The following PHF20 variants were observed in gnomAD, a reference collection of about 807,000 sequenced individuals.
PHF20 encodes glioma-expressed antigen 2.
In PHF20, 23 loss-of-function variants were observed where a neutral mutation model predicts 113.5. The observed-to-expected ratio is 0.20, with a 90% confidence interval of 0.15 to 0.29. The LOEUF (loss-of-function observed/expected upper bound fraction) is 0.29, where lower values mean the gene tolerates loss of function less well. Ranked by LOEUF, PHF20 falls within the 10% of genes least tolerant of loss-of-function variation. PHF20 has a pLI of 1.00. For synonymous variants in PHF20, 434 were observed against 457.3 expected (o/e 0.95, Z 0.65); for missense variants, 943 against 1,219.6 (o/e 0.77, Z 3.38).
intron 15 of PHF20, among the ~76,000 whole-genome samples, chr20:35,936,044 G>A (rs1357918774): frequency 1.3e-5 from 2 of 152,236 alleles, no homozygotes; most frequent in African/African-American, 4.8e-5. Context: ...GGAAATGGCA[G>A]GGTCATGCTT....
chr20:35,844,416 GGT>G lies in PHF20; in HGVS notation c.255+1673_255+1674del, dbSNP rs1491397125. The stretch of plus-strand genomic sequence containing the variant: ...CGCGCCCAGCCGGTTTTTTTTTTTT[GGT>G]TTTTTTTTTTTTTGATAATGTTGTC... On this transcript the variant is annotated intron_variant, in intron 3 of 17. Transcript: ENST00000374012. 5.4e-4 allele frequency among the ~76,000 whole-genome samples: 40 copies of G among 73,790 alleles called. 2 individuals carry two copies. The highest frequency in any genetic ancestry group is 7.6e-4 in the East Asian group (2 of 2,620). The allele number at this position is 73,790 out of a possible 152,430, so 48.4% of individuals were successfully genotyped here.
chr20:35,925,834 TATC>T (rs2055618283), intron 13 of PHF20, among the ~76,000 whole-genome samples: 1 of 151,974 alleles, frequency 6.6e-6, no homozygotes, highest in South Asian at 2.1e-4. Context: ...TGGAAAAAGT[TATC>T]ATTGGCCAGG....
intron 14 of PHF20, among the ~76,000 whole-genome samples, chr20:35,931,030 G>A (rs995550124): frequency 6.6e-6 from 1 of 152,172 alleles, no homozygotes; most frequent in African/African-American, 2.4e-5. Flanking sequence ...TCCAGGAAAT[G>A]AGGAAGTACA....
Position 35,821,214 on chromosome 20 carries a change from C to G in PHF20, c.83+19609C>G, listed in dbSNP as rs549598393. ...CTGTAATCCCAGCAGTTTGGGAGGC[C>G]GAGGTGGGTGGATCATTTGAGGCCA... On this transcript the variant is annotated intron_variant, in intron 2 of 17. Transcript: ENST00000374012. Among the ~76,000 whole-genome samples the G allele has an allele frequency of 3.0e-3, 451 of 151,742 alleles. 1 individual carries two copies. The highest frequency in any genetic ancestry group is 0.01 in the African/African-American group (421 of 41,396).
intron 14 of PHF20, among the ~76,000 whole-genome samples, chr20:35,929,726 C>T (rs768160461): frequency 6.6e-6 from 1 of 152,240 alleles, no homozygotes; most frequent in Non-Finnish European, 1.5e-5. Flanking sequence ...TGAACTTCTA[C>T]GACTTTAATC....
At position 35,935,529 on chromosome 20, in the gene PHF20, G is replaced by C. The variant is rs1406408779; in HGVS notation, c.2301-3168G>C. 2.0e-5 allele frequency among the ~76,000 whole-genome samples: 3 copies of C among 152,278 alleles called. No individual in the cohort carries two copies. In the East Asian group the frequency reaches 5.8e-4, roughly 29 times the overall value. On this transcript the variant is annotated intron_variant, in intron 15 of 17. Coordinates refer to ENST00000374012, the MANE Select transcript of PHF20 (RefSeq NM_016436.5). ...TTGCAGGCATGTACCACCGCACCTGGCTAGTTTTCATATTTTTAGTAGAGA... is the reference window on the plus strand; with the variant it reads ...TTGCAGGCATGTACCACCGCACCTGCCTAGTTTTCATATTTTTAGTAGAGA...
intron 14 of PHF20, among the ~76,000 whole-genome samples, chr20:35,928,831 G>A (rs1045282153): frequency 2.0e-4 from 31 of 152,286 alleles, no homozygotes; most frequent in Admixed American, 1.9e-3. Context: ...ATGCCCTTGA[G>A]GGGAAGGAGG....
At chr20:35,942,534 G>C (rs923616161) in intron 17 of PHF20, among the ~76,000 whole-genome samples, 5 of 152,126 alleles carry the variant, frequency 3.3e-5, no homozygotes, top group South Asian at 2.1e-4. Flanking sequence ...AGCCAGGTTT[G>C]GCCTCTCTAG....
At chr20:35,772,833 C>A (rs1016136486) in intron 1 of PHF20, among the ~76,000 whole-genome samples, 1 of 152,094 alleles carries the variant, frequency 6.6e-6, no homozygotes, top group Admixed American at 6.6e-5. Context: ...TTCTTGTATC[C>A]CCTCTACTCC....
At chr20:35,859,548 G>GT (rs773152898) in intron 5 of PHF20, among the ~76,000 whole-genome samples, 519 of 141,336 alleles carry the variant, frequency 3.7e-3, no homozygotes, top group Middle Eastern at 7.5e-3. Context: ...TTGGTTTTTG[G>GT]TTTTTTTTTT....
chr20:35,845,195 A>G (rs553273318), intron 3 of PHF20, among the ~76,000 whole-genome samples: 1 of 149,620 alleles, frequency 6.7e-6, no homozygotes, highest in Non-Finnish European at 1.5e-5. Flanking sequence ...AGCTTCATTT[A>G]TGGTGTTTTT....
rs1204039468 is a variant in PHF20 at position 35,940,961 on chromosome 20, A to T, written c.2810A>T (p.Gln937Leu). Residue 937 changes from glutamine (Q) to leucine (L), a missense_variant, in exon 17 of 18, where the codon CAG becomes CTG. This residue lies in a region of PHF20 where 349 missense variants were observed against 412.3 expected (regional missense o/e 0.85). Coordinates refer to ENST00000374012, the MANE Select transcript of PHF20 (RefSeq NM_016436.5). ...GAGGGGCTGCTGAGCTCCCAGCACC[A>T]GTGGCAGTTTAACCTGCTGACCCAT... ...GGEGLLSSQHQWQFNLLTHVE... is the reference protein window; with the variant it reads ...GGEGLLSSQHLWQFNLLTHVE... 2 of 1,614,082 alleles carry T rather than the reference A, an allele frequency of 1.2e-6. No homozygotes were observed. Among genetic ancestry groups the T allele is most frequent in the Non-Finnish European group, 1.7e-6 (2 of 1,180,016 alleles).
At chr20:35,833,042 C>A (rs1233658207) in intron 2 of PHF20, among the ~76,000 whole-genome samples, 1 of 133,874 alleles carries the variant, frequency 7.5e-6, no homozygotes, top group Non-Finnish European at 1.6e-5. Context: ...CAGAGTGAGA[C>A]TCCATCTCAA....
At position 35,847,413 on chromosome 20, in the gene PHF20, G is replaced by C. The variant is rs201184692; in HGVS notation, c.319G>C (p.Val107Leu). Residue 107 changes from valine (V) to leucine (L), a missense_variant, in exon 4 of 18, where the codon GTC (valine) becomes CTC (leucine). Val to Leu is a conservative substitution (Grantham distance 32). Transcript: ENST00000374012. ...WSDCRFYPAK[V>L]TAVNKDGTYT... ...TGATTGTCGTTTTTACCCGGCCAAA[G>C]TCACTGCTGTTAACAAGGATGGTAA... The C allele has an allele frequency of 6.5e-5, 104 of 1,610,978 alleles. No individual in the cohort carries two copies. Among genetic ancestry groups the C allele is most frequent in the Non-Finnish European group, 4.2e-6 (5 of 1,177,912 alleles).
intron 9 of PHF20, among the ~76,000 whole-genome samples, chr20:35,893,246 T>C (rs1369582377): frequency 6.6e-6 from 1 of 152,236 alleles, no homozygotes; most frequent in Non-Finnish European, 1.5e-5. Flanking sequence ...GTTTACTAGA[T>C]TGGCAGATTA....
chr20:35,918,430 C>G (rs2055447638), intron 13 of PHF20, among the ~76,000 whole-genome samples: 1 of 152,174 alleles, frequency 6.6e-6, no homozygotes, highest in Admixed American at 6.5e-5. Context: ...GGGCTGCTTT[C>G]AGGCTCAGAA....
At chr20:35,900,822 G>A (rs2055081188) in intron 10 of PHF20, among the ~76,000 whole-genome samples, 1 of 152,142 alleles carries the variant, frequency 6.6e-6, no homozygotes, top group South Asian at 2.1e-4. Context: ...GGGCGACTGA[G>A]TGAGACTCCA....
intron 2 of PHF20, among the ~76,000 whole-genome samples, chr20:35,841,640 C>T (rs895671281): frequency 2.6e-5 from 4 of 151,552 alleles, no homozygotes; most frequent in African/African-American, 9.7e-5. Context: ...TGTGGTGGCA[C>T]GTACCTGTAG....
intron 1 of PHF20, among the ~76,000 whole-genome samples, chr20:35,773,966 T>A (rs2041118548): frequency 6.6e-6 from 1 of 152,116 alleles, no homozygotes; most frequent in Non-Finnish European, 1.5e-5. Context: ...TTTCTTACTA[T>A]CTTTTATGAA....
Sources: allele counts gnomAD v4.1 joint callset (sites outside exome capture counted in the v4.1 genomes callset), GRCh38; gene constraint gnomAD v4.1.1; regional missense constraint gnomAD v4.1.1; transcripts MANE v1.5; gene names NCBI Gene and HGNC (gene_info 2026-07-23, HGNC 2026-07-21).